ATP8A1: variants seen among roughly 807,000 people sequenced by gnomAD.
ATP8A1 encodes the protein ATPase phospholipid transporting 8A1.
Under a neutral mutation model 177.7 loss-of-function variants are expected in ATP8A1, and 90 were observed. That is an observed-to-expected ratio of 0.51 (90% CI 0.43 to 0.60). ATP8A1 has a LOEUF of 0.60. Among genes scored for constraint, ATP8A1 ranks in the 20% least tolerant of loss-of-function variants. ATP8A1 has a pLI of 0.00. For synonymous variants in ATP8A1, 493 were observed against 485.9 expected (o/e 1.01, Z -0.19); for missense variants, 1,072 against 1,392.8 (o/e 0.77, Z 3.67).
In ATP8A1 at chr4:42,503,453, A is replaced by G; in HGVS notation, c.2148T>C (p.Leu716=). The G allele has an allele frequency of 6.3e-7, 1 of 1,595,696 alleles. No homozygotes were observed. ...MGMIVINEGS[L]DGTRETLSRH... is the part of the protein sequence containing the mutation. ...AAAAATACATAATTTTACTTACATC[A>G]AGAGAGCCTTCATTTATAACAATCA... is the stretch of plus-strand genomic sequence containing the variant. The change falls in exon 24 of 37, where the codon CTT becomes CTC. Residue 716 remains leucine, a synonymous_variant. Transcript: ENST00000381668.
intron 31 of ATP8A1, among the ~76,000 whole-genome samples, 165 bp downstream of exon 31, chr4:42,446,418 A>C (rs892544142): frequency 6.6e-6 from 1 of 152,190 alleles, no homozygotes; most frequent in Non-Finnish European, 1.5e-5. Flanking sequence ...TAAAAATGAA[A>C]TAAGACCCCA....
intron 1 of ATP8A1, among the ~76,000 whole-genome samples, chr4:42,627,937 A>G (rs773460358): frequency 1.5e-4 from 23 of 152,164 alleles, no homozygotes; most frequent in Non-Finnish European, 3.2e-4. Context: ...GAAGTGTTCT[A>G]TGATGTTCAA....
chr4:42,579,707 A>C, intron 11 of ATP8A1, 106 bp downstream of exon 11: 1 of 1,036,060 alleles, frequency 9.7e-7, no homozygotes. Context: ...CTATCTTGGC[A>C]ACAAGGTCTT....
intron 33 of ATP8A1, among the ~76,000 whole-genome samples, chr4:42,442,182 T>C (rs1338842834): frequency 1.3e-5 from 2 of 152,190 alleles, no homozygotes; most frequent in African/African-American, 4.8e-5. Context: ...TTTTGTGTTA[T>C]TCATTTTGAA....
chr4:42,644,666 T>C (rs1459556350), intron 1 of ATP8A1, among the ~76,000 whole-genome samples: 2 of 151,960 alleles, frequency 1.3e-5, no homozygotes, highest in Non-Finnish European at 2.9e-5. Flanking sequence ...CACCCGGCAG[T>C]GGCCACCAGC....
intron 22 of ATP8A1, among the ~76,000 whole-genome samples, chr4:42,516,423 G>A (rs968756231): frequency 1.3e-5 from 2 of 151,818 alleles, no homozygotes; most frequent in Non-Finnish European, 2.9e-5. Flanking sequence ...CCCAATCCAC[G>A]CATCATAATA....
chr4:42,653,678 TTAGA>T (rs1235291735), intron 1 of ATP8A1, among the ~76,000 whole-genome samples: 8 of 152,340 alleles, frequency 5.3e-5, no homozygotes, highest in Non-Finnish European at 1.2e-4. Flanking sequence ...ACTGGCCCTG[TTAGA>T]TATTATATAT....
At chr4:42,416,559 T>A (rs1053654830) in intron 35 of ATP8A1, among the ~76,000 whole-genome samples, 1 of 152,178 alleles carries the variant, frequency 6.6e-6, no homozygotes, top group African/African-American at 2.4e-5. Context: ...CGTACAGCAT[T>A]AAAACAAAGC....
rs748767114 is a variant in ATP8A1 at position 42,455,604 on chromosome 4, GA to G, written c.2620-6del. The G allele has an allele frequency of 5.3e-5, 85 of 1,609,182 alleles. 3 individuals are homozygous for G. The South Asian group carries it at 7.3e-4, about 14-fold the overall frequency. On this transcript the variant is annotated splice_polypyrimidine_tract_variant and splice_region_variant and intron_variant, in intron 27 of 36. Coordinates refer to ENST00000381668, the MANE Select transcript of ATP8A1 (RefSeq NM_006095.2). ...ATTAACAAAGGCAAACCAGATCTAG[GA>G]AAAAAAACCCAAAACCCCCAAATTA...
At chr4:42,611,293 T>A (rs1004127200) in intron 5 of ATP8A1, among the ~76,000 whole-genome samples, 1 of 152,218 alleles carries the variant, frequency 6.6e-6, no homozygotes, top group Non-Finnish European at 1.5e-5. Context: ...TTTTTAGCTA[T>A]GTGTCTAGTT....
intron 5 of ATP8A1, among the ~76,000 whole-genome samples, chr4:42,601,809 T>G (rs1214005650): frequency 3.3e-5 from 5 of 152,202 alleles, no homozygotes; most frequent in African/African-American, 1.2e-4. Context: ...TCTTTTGATG[T>G]TGGGATAGAT....
At chr4:42,623,921 CCAAAA>C (rs1737773223) in intron 4 of ATP8A1, among the ~76,000 whole-genome samples, 1 of 151,940 alleles carries the variant, frequency 6.6e-6, no homozygotes, top group Non-Finnish European at 1.5e-5. Flanking sequence ...AAAAACCAAA[CCAAAA>C]CAAAACATTG....
intron 33 of ATP8A1, among the ~76,000 whole-genome samples, chr4:42,429,815 C>T (rs1359575204): frequency 1.3e-5 from 2 of 152,194 alleles, no homozygotes; most frequent in African/African-American, 4.8e-5. Context: ...GAAATTCTGG[C>T]CCACGTTACA....
intron 33 of ATP8A1, among the ~76,000 whole-genome samples, chr4:42,430,539 G>A (rs1055030455): frequency 6.6e-6 from 1 of 151,542 alleles, no homozygotes; most frequent in East Asian, 1.9e-4. Flanking sequence ...TGTTACATAG[G>A]TAAACTTGTG....
At chr4:42,443,741 C>G (rs1716898377) in intron 32 of ATP8A1, 69 bp from the exon 33 acceptor site, 1 of 730,216 alleles carries the variant, frequency 1.4e-6, no homozygotes, top group South Asian at 1.5e-5. Context: ...TAATGAAACT[C>G]TCTCAAATTC....
At chr4:42,420,369 A>G (rs1398715855) in intron 35 of ATP8A1, among the ~76,000 whole-genome samples, 1 of 152,194 alleles carries the variant, frequency 6.6e-6, no homozygotes. Context: ...AGTTCTTAGG[A>G]AAAACTAAAT....
chr4:42,525,430 T>C (rs1726578482), intron 20 of ATP8A1, among the ~76,000 whole-genome samples: 1 of 152,182 alleles, frequency 6.6e-6, no homozygotes, highest in African/African-American at 2.4e-5. Context: ...CTAAATCCAC[T>C]GAGAGGGCCA....
intron 21 of ATP8A1, among the ~76,000 whole-genome samples, chr4:42,524,451 C>T (rs1447871863): frequency 9.5e-5 from 14 of 147,706 alleles, no homozygotes; most frequent in African/African-American, 2.5e-4. Context: ...GCTTCTTTTC[C>T]TAATGAATTG....
intron 6 of ATP8A1, among the ~76,000 whole-genome samples, chr4:42,596,115 C>T (rs1305230234): frequency 2.0e-5 from 3 of 152,184 alleles, no homozygotes; most frequent in East Asian, 1.9e-4. Context: ...GCTCCTAATA[C>T]GGCATTCCCC....
Sources: allele counts gnomAD v4.1 joint callset (sites outside exome capture counted in the v4.1 genomes callset), GRCh38; gene constraint gnomAD v4.1.1; transcripts MANE v1.5; gene names NCBI Gene and HGNC (gene_info 2026-07-23, HGNC 2026-07-21).